Variants in BRD10 observed in about 807,000 individuals in gnomAD.
The protein encoded by BRD10 is uncharacterized bromodomain-containing protein 10.
chr9:5,950,418 GAAA>G, the BRD10 span, among the ~76,000 whole-genome samples: 1 of 152,156 alleles, frequency 6.6e-6, no homozygotes, highest in African/African-American at 2.4e-5. Context: ...GTACAAATGA[GAAA>G]CTGGAATCAT....
At chr9:5,920,792 C>T in the BRD10 span, 7 of 1,613,964 alleles carry the variant, frequency 4.3e-6, no homozygotes, top group Non-Finnish European at 5.9e-6. Context: ...TGATGTTAAA[C>T]ATTTAGGAGA....
chr9:5,974,255 G>A, the BRD10 span, among the ~76,000 whole-genome samples: 1 of 152,222 alleles, frequency 6.6e-6, no homozygotes, highest in East Asian at 1.9e-4. Flanking sequence ...TAATATAACT[G>A]TCAAACTAGA....
At chr9:5,930,865 T>C in the BRD10 span, among the ~76,000 whole-genome samples, 2 of 152,284 alleles carry the variant, frequency 1.3e-5, no homozygotes, top group African/African-American at 2.4e-5. Flanking sequence ...TATTAAATGA[T>C]ACATTATAAA....
the BRD10 span, among the ~76,000 whole-genome samples, chr9:5,966,627 T>C: frequency 1.3e-5 from 2 of 151,928 alleles, no homozygotes; most frequent in South Asian, 2.1e-4. Flanking sequence ...GCCCAGCTAA[T>C]TTTTGTATTT....
At chr9:5,918,601 A>C in the BRD10 span, among the ~76,000 whole-genome samples, 1 of 150,086 alleles carries the variant, frequency 6.7e-6, no homozygotes, top group African/African-American at 2.5e-5. Context: ...CCCAGCTATT[A>C]GGTTAGTGAG....
chr9:5,993,188 G>A, the BRD10 span, among the ~76,000 whole-genome samples: 1 of 151,648 alleles, frequency 6.6e-6, no homozygotes, highest in Non-Finnish European at 1.5e-5. Flanking sequence ...GGTGGCATGC[G>A]TCTGTAGTCC....
chr9:5,936,446 T>C, the BRD10 span, among the ~76,000 whole-genome samples: 2 of 152,230 alleles, frequency 1.3e-5, no homozygotes, highest in African/African-American at 4.8e-5. Context: ...CAGCTGCTAC[T>C]ACTTATTAGA....
the BRD10 span, among the ~76,000 whole-genome samples, chr9:5,894,398 C>G: frequency 6.6e-6 from 1 of 152,164 alleles, no homozygotes. This position sits in a 1 kb window ranked among gnomAD's most constrained non-coding sequence, Gnocchi z 4.0. Context: ...GCAACCAAGG[C>G]TGTACCCACA....
chr9:5,969,199 T>C, the BRD10 span: 1 of 1,613,818 alleles, frequency 6.2e-7, no homozygotes, highest in Non-Finnish European at 8.5e-7. Flanking sequence ...GAGAAGTCAT[T>C]ATTTTCGATA....
chr9:5,999,868 A>C, the BRD10 span, among the ~76,000 whole-genome samples: 2 of 152,084 alleles, frequency 1.3e-5, no homozygotes, highest in African/African-American at 4.8e-5. Context: ...AAAAATAATG[A>C]ACTGAACTTG....
At chr9:6,005,277 G>A in the BRD10 span, among the ~76,000 whole-genome samples, 3 of 151,902 alleles carry the variant, frequency 2.0e-5, no homozygotes, top group Admixed American at 1.3e-4. Context: ...TTGGGAGGCC[G>A]AGGCGGGCGG....
At chr9:5,944,841 AATAG>A in the BRD10 span, 4 of 1,110,740 alleles carry the variant, frequency 3.6e-6, no homozygotes, top group Non-Finnish European at 3.9e-6. Flanking sequence ...TGCTGACAAT[AATAG>A]ATAGAACTTT....
At chr9:5,991,380 C>G in the BRD10 span, among the ~76,000 whole-genome samples, 1 of 152,108 alleles carries the variant, frequency 6.6e-6, no homozygotes, top group Non-Finnish European at 1.5e-5. Flanking sequence ...GGCTTCTGCT[C>G]TGATATTCCT....
the BRD10 span, among the ~76,000 whole-genome samples, chr9:5,999,724 C>T: frequency 6.6e-6 from 1 of 152,130 alleles, no homozygotes; most frequent in African/African-American, 2.4e-5. Flanking sequence ...TTTGCCTTTG[C>T]ACTTTTAGAT....
the BRD10 span, among the ~76,000 whole-genome samples, chr9:5,926,896 A>C: frequency 1.3e-5 from 2 of 152,212 alleles, no homozygotes; most frequent in Non-Finnish European, 2.9e-5. Flanking sequence ...GAGAATAATA[A>C]TAGTACTTAC....
chr9:5,909,836 A>G, the BRD10 span: 23 of 152,188 alleles, frequency 1.5e-4, no homozygotes, highest in Admixed American at 1.4e-3. Flanking sequence ...TGGTGTCATT[A>G]TTTGCATAGC....
chr9:5,959,129 T>C, the BRD10 span, among the ~76,000 whole-genome samples: 2 of 152,222 alleles, frequency 1.3e-5, no homozygotes, highest in Non-Finnish European at 2.9e-5. Context: ...CAAATTCTGC[T>C]ACTTATTGCA....
the BRD10 span, chr9:5,924,518 G>A: frequency 8.5e-6 from 4 of 471,556 alleles, no homozygotes; most frequent in East Asian, 6.4e-5. Flanking sequence ...TTATAAGGAT[G>A]TGGACACTAC....
At chr9:5,893,435 G>A in the BRD10 span, among the ~76,000 whole-genome samples, 3 of 152,156 alleles carry the variant, frequency 2.0e-5, no homozygotes, top group Non-Finnish European at 2.9e-5. Flanking sequence ...ACAGTCAACC[G>A]CAGGGACCAG....
Sources: gnomAD v4.1 joint callset for allele counts (sites outside exome capture counted in the v4.1 genomes callset) on GRCh38, gnomAD v4.1.1 for gene constraint, Gnocchi (gnomAD v3.1) non-coding constraint, MANE v1.5 for transcripts, NCBI Gene and HGNC (gene_info 2026-07-23, HGNC 2026-07-21) for gene names.